Variants in GCLM observed in about 807,000 individuals in gnomAD.
GCLM encodes glutamate--cysteine ligase regulatory subunit.
Under a neutral mutation model 36.0 loss-of-function variants are expected in GCLM, and 15 were observed. The observed-to-expected ratio is 0.42, with a 90% CI of 0.28 to 0.64. GCLM has a LOEUF of 0.64. Among genes scored for constraint, GCLM ranks in the 30% least tolerant of loss-of-function variants. The probability of loss-of-function intolerance (pLI) is 0.25; values close to 1 mark genes in which losing one functional copy is unlikely to be tolerated. For missense variants in GCLM, 242 were observed against 325.5 expected, an observed-to-expected ratio of 0.74 and a Z score of 1.97; for synonymous variants, 129 against 122.8, an observed-to-expected ratio of 1.05 and a Z score of -0.34.
intron 2 of GCLM, 94 bp from the exon 3 acceptor site, chr1:93,901,763 G>C (rs1656958161): frequency 2.8e-6 from 2 of 709,080 alleles, no homozygotes; most frequent in South Asian, 1.8e-5. Flanking sequence ...TTTAGAATCA[G>C]AGAACCTATA....
At chr1:93,894,474 G>T in intron 6 of GCLM, 140 bp downstream of exon 6, 1 of 526,256 alleles carries the variant, frequency 1.9e-6, no homozygotes, top group Non-Finnish European at 3.4e-6. Context: ...GGGCATATAG[G>T]TTTTGAACTA....
intron 5 of GCLM, among the ~76,000 whole-genome samples, chr1:93,895,949 G>T (rs1232940863): frequency 6.8e-6 from 1 of 146,818 alleles, no homozygotes; most frequent in Admixed American, 7.0e-5. Flanking sequence ...TAAAGAAAAA[G>T]AAGGTTTTTC....
chr1:93,899,990 A>G (rs985195815), intron 3 of GCLM, among the ~76,000 whole-genome samples: 46 of 128,012 alleles, frequency 3.6e-4, no homozygotes, highest in African/African-American at 1.6e-3. Flanking sequence ...AGGCTAATGA[A>G]ATACCCTTAC....
intron 3 of GCLM, among the ~76,000 whole-genome samples, chr1:93,898,120 C>T (rs531206928): frequency 6.6e-6 from 1 of 151,468 alleles, no homozygotes; most frequent in Middle Eastern, 3.4e-3. Context: ...ATATGTTTAT[C>T]AAAACAAAAA....
In GCLM at chr1:93,897,864, T is replaced by C. The variant is rs1313041111; in HGVS notation, c.312A>G (p.Ser104=). The C allele has an allele frequency of 6.4e-7, 1 of 1,553,758 alleles. No homozygotes were observed. The highest frequency in any genetic ancestry group is 8.6e-7 in the Non-Finnish European group (1 of 1,158,616). Residue 104 remains serine, a synonymous_variant, in exon 4 of 7, where the codon TCA becomes TCG. Coordinates refer to ENST00000370238, the MANE Select transcript of GCLM (RefSeq NM_002061.4). ...CCATGTCAACTGCACTTCTAGTTGA[T>C]GATGAAGAGTTTGATTCTACAATGA... ...KLFIVESNSS[S]STRSAVDMAC...
intron 1 of GCLM, 109 bp downstream of exon 1, chr1:93,908,929 G>C (rs1320438148): frequency 6.8e-6 from 6 of 886,252 alleles, no homozygotes; most frequent in Non-Finnish European, 1.5e-6. Context: ...AGGTGCGCGC[G>C]AGGCCCTGCC....
chr1:93,902,825 C>T (rs1657009781), intron 2 of GCLM, among the ~76,000 whole-genome samples: 2 of 150,726 alleles, frequency 1.3e-5, no homozygotes, highest in African/African-American at 4.9e-5. Flanking sequence ...TTCATCCCTC[C>T]GTCCCTGCTA....
chr1:93,892,366 CAG>C (rs1309584717), intron 6 of GCLM, among the ~76,000 whole-genome samples: 1 of 152,062 alleles, frequency 6.6e-6, no homozygotes, highest in African/African-American at 2.4e-5. Context: ...TTAAATTTTA[CAG>C]AGTTAAATGT....
chr1:93,909,020 G>A lies in GCLM; in HGVS notation c.126+18C>T, dbSNP rs2273406. The A allele has an allele frequency of 0.17, 243,287 of 1,444,860 alleles. 21,506 individuals carry two copies. The highest frequency in any genetic ancestry group is 0.32 in the Admixed American group (12,120 of 38,162). The allele number at this position is 1,444,860 out of a possible 1,614,324, so 89.5% of individuals were successfully genotyped here. ...AGGCCTGCCCCGGGAGCCCCGCGGCGAGTGTCGCCACGCTCACCTCCTCGC... is the reference window on the plus strand; with the variant it reads ...AGGCCTGCCCCGGGAGCCCCGCGGCAAGTGTCGCCACGCTCACCTCCTCGC... On this transcript the variant is annotated intron_variant, in intron 1 of 6. Coordinates refer to ENST00000370238, the MANE Select transcript of GCLM (RefSeq NM_002061.4).
rs1280933724 is a variant in GCLM at position 93,909,191 on chromosome 1, C to T, written c.-28G>A. The T allele has an allele frequency of 2.9e-5, 35 of 1,207,576 alleles. No homozygotes were observed. Among genetic ancestry groups the T allele is most frequent in the Non-Finnish European group, 3.6e-5 (35 of 974,368 alleles). The allele number at this position is 1,207,576 out of a possible 1,614,324, so 74.8% of individuals were successfully genotyped here. ...CAGCGGCCGCCCAGGGGCCGCGCAG[C>T]GAAGGGGCTGCGGGCGGGCGGGCAG... On this transcript the variant is annotated 5_prime_UTR_variant, in exon 1 of 7. Coordinates refer to ENST00000370238, the MANE Select transcript of GCLM (RefSeq NM_002061.4).
At chr1:93,894,182 C>T (rs942414388) in intron 6 of GCLM, among the ~76,000 whole-genome samples, 6 of 151,776 alleles carry the variant, frequency 4.0e-5, no homozygotes, top group African/African-American at 1.5e-4. Context: ...AGCTTGAGTC[C>T]GGGAGGTGGA....
chr1:93,908,204 C>T (rs547715224), intron 1 of GCLM, among the ~76,000 whole-genome samples: 5 of 152,294 alleles, frequency 3.3e-5, no homozygotes, highest in South Asian at 2.1e-4. Flanking sequence ...TCCCATACCA[C>T]CAATATGCAC....
chr1:93,891,036 C>T (rs1445926217), intron 6 of GCLM, among the ~76,000 whole-genome samples: 1 of 151,798 alleles, frequency 6.6e-6, no homozygotes, highest in African/African-American at 2.4e-5. Flanking sequence ...GTCACCAAGG[C>T]CAGCTAATTT....
intron 3 of GCLM, among the ~76,000 whole-genome samples, chr1:93,901,349 T>C (rs962892649): frequency 1.3e-5 from 2 of 152,174 alleles, no homozygotes; most frequent in African/African-American, 4.8e-5. Flanking sequence ...ATAAATTACA[T>C]GACATGATGA....
rs1656348743 is a variant in GCLM at position 93,887,288 on chromosome 1, G to T, written c.*1702C>A. 6.6e-6 allele frequency: 1 copy of T among 151,512 alleles called. No homozygotes were observed. Among genetic ancestry groups the T allele is most frequent in the Non-Finnish European group, 1.5e-5 (1 of 67,892 alleles). 9.4% of individuals were successfully genotyped at this position (151,512 alleles called of 1,614,324 possible). A position where few individuals can be genotyped will look rare whatever the true frequency, so the allele number is the denominator to read the frequency against. On this transcript the variant is annotated 3_prime_UTR_variant, in exon 7 of 7. Transcript: ENST00000370238. ...GGATTACAGGCATGAGGTGTGCCCG[G>T]GCAGATTTCACATAATTTTAATGAT... is the stretch of plus-strand genomic sequence containing the variant.
At chr1:93,893,687 T>C (rs1656616475) in intron 6 of GCLM, among the ~76,000 whole-genome samples, 1 of 152,228 alleles carries the variant, frequency 6.6e-6, no homozygotes, top group Non-Finnish European at 1.5e-5. Flanking sequence ...ACCAAAAATA[T>C]GTAGTAATAT....
Position 93,896,805 on chromosome 1 carries a change from C to T in GCLM, c.353G>A (p.Gly118Glu), listed in dbSNP as rs1297974269. 2 of 1,592,306 alleles carry T rather than the reference C, an allele frequency of 1.3e-6. No homozygotes were observed. Among genetic ancestry groups the T allele is most frequent in the South Asian group, 1.1e-5 (1 of 90,610 alleles). The change falls in exon 5 of 7, where the codon GGA becomes GAA. Residue 118 changes from glycine to glutamate, a missense_variant. Coordinates refer to ENST00000370238, the MANE Select transcript of GCLM (RefSeq NM_002061.4). Reference protein sequence around the residue: ...SAVDMACSVLGVAQLDSVIIA... With the variant: ...SAVDMACSVLEVAQLDSVIIA... ...GATCACAGAATCCAGCTGTGCAACT[C>T]CAAGGACTGAACAGGCTGATAGGAA...
chr1:93,897,049 C>G (rs2097217944), intron 4 of GCLM, among the ~76,000 whole-genome samples: 3 of 152,188 alleles, frequency 2.0e-5, no homozygotes, highest in Admixed American at 1.3e-4. Context: ...TTTCTCTGAC[C>G]TGCCTTATTC....
At chr1:93,896,024 G>A (rs1476505057) in intron 5 of GCLM, among the ~76,000 whole-genome samples, 10 of 148,124 alleles carry the variant, frequency 6.8e-5, no homozygotes, top group African/African-American at 2.3e-4. Flanking sequence ...GTACAGTGGC[G>A]CAATCTCAGC....
Sources: allele counts gnomAD v4.1 joint callset (sites outside exome capture counted in the v4.1 genomes callset), GRCh38; gene constraint gnomAD v4.1.1; transcripts MANE v1.5; gene names NCBI Gene and HGNC (gene_info 2026-07-23, HGNC 2026-07-21).